The following CENPC variants were observed in gnomAD, a reference collection of about 807,000 sequenced individuals.
CENPC encodes the protein centromere protein C, also known as CENP-C 1.
CENPC carries 63 observed loss-of-function variants against 112.1 expected under a neutral mutation model. That is an observed-to-expected ratio of 0.56 (90% confidence interval 0.46 to 0.69). The LOEUF is 0.69. CENPC is among the 30% of genes least tolerant of loss of function. CENPC has a pLI of 0.00. For synonymous variants in CENPC, 333 were observed against 367.6 expected (o/e 0.91, Z 1.08); for missense variants, 1,000 against 1,103.8 (o/e 0.91, Z 1.33).
At chr4:67,507,830 G>C (rs1293403006) in intron 10 of CENPC, among the ~76,000 whole-genome samples, 1 of 151,992 alleles carries the variant, frequency 6.6e-6, no homozygotes, top group Non-Finnish European at 1.5e-5. Flanking sequence ...CAAAATACTA[G>C]CAAATTCCAG....
chr4:67,508,983 T>G lies in CENPC; in HGVS notation c.1735A>C (p.Lys579Gln). 6.2e-7 allele frequency: 1 copy of G among 1,613,608 alleles called. No individual in the cohort carries two copies. Among genetic ancestry groups the G allele is most frequent in the Non-Finnish European group, 8.5e-7 (1 of 1,179,716 alleles). ...KNIRKKTIPL[K>Q]RQKTATKGNQ... is the part of the protein sequence containing the mutation. The stretch of plus-strand genomic sequence containing the variant: ...CCTTTAGTTGCTGTCTTCTGCCTTT[T>G]AAGTGGAATAGTTTTTTTCCTAATA... Residue 579 changes from lysine to glutamine, a missense_variant, in exon 10 of 19, where the codon AAA (lysine) becomes CAA (glutamine). Physicochemically the swap from Lys to Gln is moderately conservative, Grantham distance 53. Coordinates refer to ENST00000273853, the MANE Select transcript of CENPC (RefSeq NM_001812.4).
chr4:67,477,058 A>G (rs563013840), intron 17 of CENPC, among the ~76,000 whole-genome samples: 2 of 152,200 alleles, frequency 1.3e-5, no homozygotes, highest in Admixed American at 6.5e-5. Context: ...AATCAATCCT[A>G]CCTGCACCTG....
intron 5 of CENPC, among the ~76,000 whole-genome samples, chr4:67,526,764 A>T (rs1257490696): frequency 6.6e-6 from 1 of 152,228 alleles, no homozygotes; most frequent in East Asian, 1.9e-4. Context: ...AAATTTTACC[A>T]AGTCACATCC....
intron 10 of CENPC, 116 bp downstream of exon 10, chr4:67,508,698 G>T: frequency 2.2e-6 from 2 of 898,568 alleles, no homozygotes; most frequent in Non-Finnish European, 3.3e-6. Context: ...TACCAGGTAT[G>T]TCAGAGTGCA....
intron 5 of CENPC, among the ~76,000 whole-genome samples, chr4:67,522,638 C>T (rs1726260348): frequency 6.6e-6 from 1 of 152,126 alleles, no homozygotes; most frequent in African/African-American, 2.4e-5. Flanking sequence ...ATGCCACATT[C>T]AATGTATATG....
intron 12 of CENPC, among the ~76,000 whole-genome samples, chr4:67,503,835 T>A (rs1725660712): frequency 6.6e-6 from 1 of 151,370 alleles, no homozygotes; most frequent in South Asian, 2.1e-4. Context: ...ATAGACTAAG[T>A]TTTCTAGAAC....
intron 7 of CENPC, among the ~76,000 whole-genome samples, chr4:67,515,729 T>C (rs143311920): frequency 6.6e-6 from 1 of 152,044 alleles, no homozygotes; most frequent in Non-Finnish European, 1.5e-5. Context: ...GTATTTCACA[T>C]ATATTTTCAT....
chr4:67,524,550 GA>G (rs1270144062), intron 5 of CENPC, among the ~76,000 whole-genome samples: 1 of 152,060 alleles, frequency 6.6e-6, no homozygotes, highest in African/African-American at 2.4e-5. Flanking sequence ...CAGACAAGCA[GA>G]GAGCCAAAAC....
chr4:67,521,512 T>C (rs1346256527), intron 5 of CENPC, among the ~76,000 whole-genome samples: 1 of 152,202 alleles, frequency 6.6e-6, no homozygotes, highest in South Asian at 2.1e-4. Context: ...AGGATGACTA[T>C]TATTTATAAA....
intron 13 of CENPC, 55 bp downstream of exon 13, chr4:67,495,104 A>G: frequency 5.8e-6 from 8 of 1,385,460 alleles, no homozygotes; most frequent in Non-Finnish European, 7.7e-6. Flanking sequence ...ATTTAGAAAC[A>G]GAAACTTAAG....
intron 12 of CENPC, among the ~76,000 whole-genome samples, chr4:67,497,947 T>A (rs1186096419): frequency 6.6e-6 from 1 of 151,892 alleles, no homozygotes; most frequent in Non-Finnish European, 1.5e-5. Context: ...ATGCTAAAGA[T>A]CAGCCAGGCA....
chr4:67,474,981 G>A lies in CENPC; in HGVS notation c.2671-3C>T. ...TCACCAAAGTTAACATAAAAAACCT[G>A]TAAAAATAAAAATAAAAATCTCATT... On this transcript the variant is annotated splice_polypyrimidine_tract_variant and splice_region_variant and intron_variant, in intron 17 of 18. Coordinates refer to ENST00000273853, the MANE Select transcript of CENPC (RefSeq NM_001812.4). 2 of 1,393,848 alleles carry A rather than the reference G, an allele frequency of 1.4e-6. No individual in the cohort carries two copies. Among genetic ancestry groups the A allele is most frequent in the Non-Finnish European group, 1.9e-6 (2 of 1,036,416 alleles). 86.3% of individuals were successfully genotyped at this position (1,393,848 alleles called of 1,614,324 possible).
At chr4:67,479,528 T>C (rs1428195305) in intron 17 of CENPC, among the ~76,000 whole-genome samples, 1 of 152,094 alleles carries the variant, frequency 6.6e-6, no homozygotes, top group African/African-American at 2.4e-5. Flanking sequence ...AACTGAACAA[T>C]AATAGTGACA....
intron 17 of CENPC, among the ~76,000 whole-genome samples, chr4:67,475,440 G>GAGACTGGAAGC (rs1327774344): frequency 2.0e-5 from 3 of 152,194 alleles, no homozygotes; most frequent in Non-Finnish European, 4.4e-5. Context: ...CAGTCTGAAC[G>GAGACTGGAAGC]AGACTGGAAG....
chr4:67,545,393 G>T lies in CENPC; in HGVS notation c.-38C>A. 1 of 1,501,380 alleles carries T rather than the reference G, an allele frequency of 6.7e-7. No homozygotes were observed. Among genetic ancestry groups the T allele is most frequent in the Non-Finnish European group, 8.9e-7 (1 of 1,120,854 alleles). The allele number at this position is 1,501,380 out of a possible 1,614,324, so 93.0% of individuals were successfully genotyped here. A position where few individuals can be genotyped will look rare whatever the true frequency, so the allele number is the denominator to read the frequency against. On this transcript the variant is annotated 5_prime_UTR_variant, in exon 1 of 19. Coordinates refer to ENST00000273853, the MANE Select transcript of CENPC (RefSeq NM_001812.4). ...CTGAGCCAGCGCAACTGTCTGAGGT[G>T]GAAGCCCACACGGACCACAGCTCCA...
intron 17 of CENPC, among the ~76,000 whole-genome samples, chr4:67,479,474 T>C (rs1724895758): frequency 6.6e-6 from 1 of 152,154 alleles, no homozygotes; most frequent in Non-Finnish European, 1.5e-5. Flanking sequence ...TGAATGATTG[T>C]TGGGTCAACA....
chr4:67,492,183 T>C lies in CENPC; in HGVS notation c.2512A>G (p.Met838Val), dbSNP rs1347492343. 1.3e-6 allele frequency: 2 copies of C among 1,547,952 alleles called. No homozygotes were observed. The highest frequency in any genetic ancestry group is 1.8e-6 in the Non-Finnish European group (2 of 1,139,796). The change falls in exon 16 of 19, where the codon ATG becomes GTG. Residue 838 changes from methionine (M) to valine (V), a missense_variant. Transcript: ENST00000273853. The part of the protein sequence containing the change: ...KDPETREIIL[M>V]DLVRPQDTYQ... Reference sequence around the variant, plus strand: ...TCAGTATCATGCCTGATCTTACCCATGAGAATAATCTCTCTTGTTTCTGGG... The same window carrying C: ...TCAGTATCATGCCTGATCTTACCCACGAGAATAATCTCTCTTGTTTCTGGG...
chr4:67,479,227 T>C (rs1414862541), intron 17 of CENPC, among the ~76,000 whole-genome samples: 7 of 152,216 alleles, frequency 4.6e-5, no homozygotes, highest in African/African-American at 1.7e-4. Flanking sequence ...ATGGACTTAA[T>C]AGATATTTAC....
At chr4:67,518,740 A>G (rs965871046) in intron 6 of CENPC, among the ~76,000 whole-genome samples, 2 of 152,170 alleles carry the variant, frequency 1.3e-5, no homozygotes, top group African/African-American at 4.8e-5. Flanking sequence ...TACTCTAAAT[A>G]GAAATTACAC....
Sources: allele counts gnomAD v4.1 joint callset (sites outside exome capture counted in the v4.1 genomes callset), GRCh38; gene constraint gnomAD v4.1.1; transcripts MANE v1.5; gene names NCBI Gene and HGNC (gene_info 2026-07-23, HGNC 2026-07-21).